The following CCDC7 variants were observed in gnomAD, a reference collection of about 807,000 sequenced individuals.
The protein encoded by CCDC7 is coiled-coil domain containing 7.
Under a neutral mutation model 196.9 loss-of-function variants are expected in CCDC7, and 183 were observed. The observed-to-expected ratio is 0.93, with a 90% CI of 0.82 to 1.05. CCDC7 has a LOEUF of 1.05. Among genes scored for constraint, CCDC7 ranks in the 50% least tolerant of loss-of-function variants. The probability of loss-of-function intolerance (pLI) is 0.00; values close to 1 mark genes in which losing one functional copy is unlikely to be tolerated. For synonymous variants in CCDC7, 525 were observed against 484.6 expected (o/e 1.08, Z -1.10); for missense variants, 1,540 against 1,482.2 (o/e 1.04, Z -0.64).
chr10:32,780,160 C>T (rs1035896697), intron 29 of CCDC7, among the ~76,000 whole-genome samples: 10 of 152,060 alleles, frequency 6.6e-5, no homozygotes, highest in African/African-American at 1.7e-4. Flanking sequence ...TCACTGAAAC[C>T]GAAGATGAGG....
At chr10:32,454,972 A>G (rs554230528) in intron 2 of CCDC7, among the ~76,000 whole-genome samples, 49 of 152,080 alleles carry the variant, frequency 3.2e-4, no homozygotes, top group Non-Finnish European at 5.4e-4. Context: ...AGCATGGTCC[A>G]CTATTATCAT....
At chr10:32,500,853 C>T (rs190025402) in intron 9 of CCDC7, among the ~76,000 whole-genome samples, 18 of 152,284 alleles carry the variant, frequency 1.2e-4, no homozygotes, top group Admixed American at 7.2e-4. Context: ...GAGACCAGCC[C>T]GGCCAACACG....
intron 29 of CCDC7, among the ~76,000 whole-genome samples, chr10:32,798,877 C>A (rs2084188006): frequency 6.6e-6 from 1 of 152,180 alleles, no homozygotes; most frequent in South Asian, 2.1e-4. Context: ...GAACCAGACC[C>A]TACTATTCTC....
intron 29 of CCDC7, among the ~76,000 whole-genome samples, chr10:32,799,793 G>A (rs1390684927): frequency 6.6e-6 from 1 of 152,206 alleles, no homozygotes; most frequent in Non-Finnish European, 1.5e-5. Context: ...TCAGCATAAT[G>A]TCATCAATAT....
At chr10:32,767,288 T>A (rs2484724) in intron 28 of CCDC7, among the ~76,000 whole-genome samples, 150,881 of 152,204 alleles carry the variant, frequency 0.99, 74,801 homozygotes, top group Middle Eastern at 1. Flanking sequence ...AAGAGATATG[T>A]TATATTCATA....
intron 15 of CCDC7, among the ~76,000 whole-genome samples, chr10:32,571,632 C>T (rs2057568839): frequency 6.6e-6 from 1 of 151,906 alleles, no homozygotes; most frequent in Non-Finnish European, 1.5e-5. Flanking sequence ...AAGTATAAAA[C>T]CTTATTTGCT....
chr10:32,703,005 G>A (rs1400491330), intron 24 of CCDC7, among the ~76,000 whole-genome samples: 3 of 152,088 alleles, frequency 2.0e-5, no homozygotes, highest in Non-Finnish European at 4.4e-5. Flanking sequence ...GGAGCTTTTA[G>A]CCTATTTACA....
intron 28 of CCDC7, among the ~76,000 whole-genome samples, chr10:32,771,169 G>A (rs548937830): frequency 6.6e-6 from 1 of 152,230 alleles, no homozygotes; most frequent in South Asian, 2.1e-4. Context: ...ATAGGCCTGT[G>A]AGTTTTCAGC....
chr10:32,611,963 A>G (rs957220862), intron 18 of CCDC7, among the ~76,000 whole-genome samples: 3 of 152,120 alleles, frequency 2.0e-5, no homozygotes, highest in Non-Finnish European at 4.4e-5. Context: ...AAGAAAGTCA[A>G]TGGTATCTTG....
At chr10:32,823,387 A>G (rs993030344) in intron 31 of CCDC7, among the ~76,000 whole-genome samples, 7 of 152,050 alleles carry the variant, frequency 4.6e-5, no homozygotes, top group Non-Finnish European at 1.0e-4. Flanking sequence ...AGATCTGCCC[A>G]CCTCGGCCTC....
At chr10:32,446,034 A>T (rs1251831770), upstream of CCDC7, 1 of 152,158 alleles carries the variant, frequency 6.6e-6, no homozygotes, top group East Asian at 1.9e-4. Flanking sequence ...CACAGCCGCC[A>T]AACTGCGTCT....
chr10:32,633,374 T>C (rs917646773), intron 18 of CCDC7, among the ~76,000 whole-genome samples: 1 of 152,222 alleles, frequency 6.6e-6, no homozygotes, highest in African/African-American at 2.4e-5. Flanking sequence ...CTTCATTTTG[T>C]ATGTATTTGT....
chr10:32,548,762 G>A (rs916106682), intron 13 of CCDC7, among the ~76,000 whole-genome samples: 1 of 152,172 alleles, frequency 6.6e-6, no homozygotes, highest in African/African-American at 2.4e-5. Context: ...TTATGGCTGA[G>A]TAGTATTCCA....
intron 28 of CCDC7, among the ~76,000 whole-genome samples, chr10:32,760,720 A>G (rs1425118355): frequency 6.6e-6 from 1 of 151,990 alleles, no homozygotes; most frequent in Non-Finnish European, 1.5e-5. Flanking sequence ...CGTTGTGCAC[A>G]TGTACCCTAA....
chr10:32,641,333 C>T (rs758651575), intron 20 of CCDC7, among the ~76,000 whole-genome samples: 2 of 152,136 alleles, frequency 1.3e-5, no homozygotes, highest in Admixed American at 6.5e-5. Flanking sequence ...CCATATTTCT[C>T]CGAGGCTTTG....
chr10:32,706,132 G>A (rs1317335204), intron 24 of CCDC7, among the ~76,000 whole-genome samples: 1 of 152,122 alleles, frequency 6.6e-6, no homozygotes, highest in African/African-American at 2.4e-5. Context: ...TCAGACCACA[G>A]TGCAATCAAA....
At chr10:32,558,140 A>T (rs1417372562) in intron 13 of CCDC7, among the ~76,000 whole-genome samples, 1 of 151,964 alleles carries the variant, frequency 6.6e-6, no homozygotes, top group African/African-American at 2.4e-5. Context: ...CTTTTTGCTC[A>T]TTGTCTTTTA....
chr10:32,474,670 T>A (rs1276944228), intron 8 of CCDC7, among the ~76,000 whole-genome samples: 1 of 152,200 alleles, frequency 6.6e-6, no homozygotes, highest in Non-Finnish European at 1.5e-5. Context: ...GTAGATTTTG[T>A]TACTAGGAAT....
intron 28 of CCDC7, 119 bp downstream of exon 29, chr10:32,729,576 T>C (rs2083611479): frequency 6.6e-6 from 3 of 452,244 alleles, no homozygotes; most frequent in Admixed American, 4.1e-5. Flanking sequence ...TCCATCACAC[T>C]ACCAGATCTT....
Sources: gnomAD v4.1 joint callset for allele counts (sites outside exome capture counted in the v4.1 genomes callset) on GRCh38, gnomAD v4.1.1 for gene constraint, MANE v1.5 for transcripts, NCBI Gene and HGNC (gene_info 2026-07-23, HGNC 2026-07-21) for gene names.